The following DNER variants were observed in gnomAD, a reference collection of about 807,000 sequenced individuals.
The protein encoded by DNER is delta and Notch-like epidermal growth factor-related receptor.
DNER carries 33 observed loss-of-function variants against 78.2 expected under a neutral mutation model. The observed-to-expected ratio is 0.42, with a 90% CI of 0.32 to 0.56. The LOEUF is 0.56. DNER is among the 20% of genes least tolerant of loss of function. The probability of loss-of-function intolerance (pLI) is 0.11; values close to 1 mark genes in which losing one functional copy is unlikely to be tolerated. For synonymous variants in DNER, 417 were observed against 384.8 expected (o/e 1.08, Z -0.98); for missense variants, 918 against 975.3 (o/e 0.94, Z 0.78).
At chr2:229,492,632 G>A (rs1695425527) in intron 6 of DNER, among the ~76,000 whole-genome samples, 4 of 151,956 alleles carry the variant, frequency 2.6e-5, no homozygotes, top group Admixed American at 1.3e-4. Flanking sequence ...TGAGTTCTGA[G>A]GTTTCTGCCA....
chr2:229,660,482 A>G (rs1270789944), intron 1 of DNER, among the ~76,000 whole-genome samples: 5 of 152,112 alleles, frequency 3.3e-5, no homozygotes, highest in Non-Finnish European at 7.3e-5. Flanking sequence ...AGAGTATTCC[A>G]TAGTGTATAT....
chr2:229,603,492 A>C (rs1192769508), intron 1 of DNER, among the ~76,000 whole-genome samples: 1 of 152,228 alleles, frequency 6.6e-6, no homozygotes, highest in Non-Finnish European at 1.5e-5. Context: ...GCCATGAAAA[A>C]GAAAGAACTA....
chr2:229,541,626 C>T (rs951057914), intron 5 of DNER, among the ~76,000 whole-genome samples: 2 of 151,934 alleles, frequency 1.3e-5, no homozygotes, highest in East Asian at 3.9e-4. Flanking sequence ...AAGCAGATTG[C>T]CCTTCATAAT....
At chr2:229,707,347 T>C (rs1209037435) in intron 1 of DNER, among the ~76,000 whole-genome samples, 1 of 152,110 alleles carries the variant, frequency 6.6e-6, no homozygotes, top group Non-Finnish European at 1.5e-5. Context: ...AGAAAAGTAT[T>C]GTTAAAAGAA....
At chr2:229,412,168 G>A (rs1366024913) in intron 9 of DNER, among the ~76,000 whole-genome samples, 1 of 152,146 alleles carries the variant, frequency 6.6e-6, no homozygotes, top group African/African-American at 2.4e-5. Flanking sequence ...AGTCTTAGAC[G>A]TTCCGTCACA....
rs373169410 is a variant in DNER at position 229,467,766 on chromosome 2, G to A, written c.1261+9374C>T. On this transcript the variant is annotated intron_variant, in intron 7 of 12. Coordinates refer to ENST00000341772, the MANE Select transcript of DNER (RefSeq NM_139072.4). ...CCATGATATAATATGAATGTTTTGC[G>A]TTTAGCATGGAGAAGTTAGCTTTTA... 2.2e-3 allele frequency among the ~76,000 whole-genome samples: 329 copies of A among 152,230 alleles called. 12 individuals are homozygous for A. The South Asian group carries it at 0.054, about 25-fold the overall frequency.
chr2:229,706,402 A>AG (rs1263065828), intron 1 of DNER, among the ~76,000 whole-genome samples: 3 of 151,464 alleles, frequency 2.0e-5, no homozygotes, highest in Non-Finnish European at 1.5e-5. Context: ...AATACAAAAA[A>AG]AAAAAAAAAA....
chr2:229,548,551 A>G (rs948831548), intron 4 of DNER, among the ~76,000 whole-genome samples: 1 of 152,052 alleles, frequency 6.6e-6, no homozygotes, highest in Non-Finnish European at 1.5e-5. Flanking sequence ...ATGAGGACAC[A>G]TGGACACAGG....
chr2:229,632,221 T>G (rs1283695266), intron 1 of DNER, among the ~76,000 whole-genome samples: 1 of 152,226 alleles, frequency 6.6e-6, no homozygotes, highest in East Asian at 1.9e-4. Flanking sequence ...CATTCCAATA[T>G]CCTAAGGATT....
In DNER at chr2:229,412,370, G is replaced by A. The variant is rs76629709; in HGVS notation, c.1610-5025C>T. Among the ~76,000 whole-genome samples, 31 of 152,286 alleles carry A rather than the reference G, an allele frequency of 2.0e-4. No individual in the cohort carries two copies. In the East Asian group the frequency reaches 4.6e-3, roughly 23 times the overall value. ...GTGTTAAACAGTAGTTCTAACTCAA[G>A]TAAAGGTAGCCATTGAGCATTTGTT... On this transcript the variant is annotated intron_variant, in intron 9 of 12. Transcript: ENST00000341772.
At chr2:229,597,363 C>A (rs775798023) in intron 1 of DNER, among the ~76,000 whole-genome samples, 4 of 152,148 alleles carry the variant, frequency 2.6e-5, no homozygotes, top group Non-Finnish European at 5.9e-5. Flanking sequence ...TTAAGCAAAT[C>A]ATAAATATTT....
At chr2:229,434,310 T>G (rs1694075892) in intron 8 of DNER, among the ~76,000 whole-genome samples, 2 of 152,326 alleles carry the variant, frequency 1.3e-5, no homozygotes, top group South Asian at 4.1e-4. Flanking sequence ...TCCTAAATAT[T>G]GTTAAACACC....
At chr2:229,692,463 A>T (rs1699595161) in intron 1 of DNER, among the ~76,000 whole-genome samples, 1 of 152,244 alleles carries the variant, frequency 6.6e-6, no homozygotes, top group Admixed American at 6.5e-5. Context: ...AGCTATGGTT[A>T]ACCAAATGAC....
intron 1 of DNER, among the ~76,000 whole-genome samples, chr2:229,603,946 C>T (rs535070721): frequency 8.0e-4 from 122 of 152,306 alleles, no homozygotes; most frequent in Non-Finnish European, 1.6e-3. Flanking sequence ...TCCTGATTTT[C>T]CTCCCAGGTA....
chr2:229,413,480 G>T (rs60401340), intron 9 of DNER, among the ~76,000 whole-genome samples: 1 of 150,882 alleles, frequency 6.6e-6, no homozygotes, highest in Non-Finnish European at 1.5e-5. Flanking sequence ...GTGCCACAGC[G>T]CCTGGCTAAT....
intron 8 of DNER, among the ~76,000 whole-genome samples, chr2:229,430,833 C>G (rs1028577563): frequency 4.0e-5 from 6 of 151,844 alleles, no homozygotes; most frequent in African/African-American, 1.5e-4. Context: ...TTCTTTATGT[C>G]TAACCCTTGA....
chr2:229,528,465 C>T (rs1471769180), intron 5 of DNER, among the ~76,000 whole-genome samples: 1 of 152,178 alleles, frequency 6.6e-6, no homozygotes, highest in African/African-American at 2.4e-5. Context: ...CACCACAGCC[C>T]TGTGACATAG....
At chr2:229,418,771 A>G (rs1693701955) in intron 8 of DNER, among the ~76,000 whole-genome samples, 2 of 152,004 alleles carry the variant, frequency 1.3e-5, no homozygotes, top group South Asian at 4.2e-4. Flanking sequence ...AATACAAAAA[A>G]TTAGCCAGGC....
chr2:229,637,029 C>A (rs1698541991), intron 1 of DNER, among the ~76,000 whole-genome samples: 2 of 152,132 alleles, frequency 1.3e-5, no homozygotes, highest in Non-Finnish European at 2.9e-5. Flanking sequence ...CCTGGACTAC[C>A]ACTATTCAAG....
Sources: gnomAD v4.1 joint callset for allele counts (sites outside exome capture counted in the v4.1 genomes callset) on GRCh38, gnomAD v4.1.1 for gene constraint, MANE v1.5 for transcripts, NCBI Gene and HGNC (gene_info 2026-07-23, HGNC 2026-07-21) for gene names.